VCL: variants seen among roughly 807,000 people sequenced by gnomAD.
The protein encoded by VCL is epididymis luminal protein 114.
A neutral mutation model predicts 125.7 loss-of-function variants in VCL; 47 were observed. The ratio of observed to expected loss-of-function variants is 0.37; its 90% CI spans 0.30 to 0.48. VCL has a LOEUF of 0.48. Ranked by LOEUF, VCL falls within the 20% of genes least tolerant of loss-of-function variation. VCL has a pLI of 0.99. For missense variants in VCL, 1,069 were observed against 1,455.5 expected, an observed-to-expected ratio of 0.73 and a Z score of 4.32; for synonymous variants, 458 against 514.6, an observed-to-expected ratio of 0.89 and a Z score of 1.49.
At position 74,009,225 on chromosome 10, in the gene VCL, C is replaced by A. The variant is rs182475849; in HGVS notation, c.168+10850C>A. Among the ~76,000 whole-genome samples, 61 of 124,952 alleles carry A rather than the reference C, an allele frequency of 4.9e-4. 2 individuals are homozygous for A. The highest frequency in any genetic ancestry group is 3.8e-3 in the Middle Eastern group (1 of 262). The allele number at this position is 124,952 out of a possible 152,430, so 82.0% of individuals were successfully genotyped here. ...TAGGTGGCTGCTGCTTTCCCCCCCC[C>A]CCCCCGAGCCATTTTAGTATTTAAT... On this transcript the variant is annotated intron_variant, in intron 1 of 21. Coordinates refer to ENST00000211998, the MANE Select transcript of VCL (RefSeq NM_014000.3).
intron 5 of VCL, among the ~76,000 whole-genome samples, chr10:74,073,862 C>T (rs1839531717): frequency 6.6e-6 from 1 of 152,180 alleles, no homozygotes; most frequent in Non-Finnish European, 1.5e-5. Flanking sequence ...AATCTGGTGA[C>T]TCATGTCATT....
chr10:74,095,037 T>C (rs1839944357), intron 11 of VCL, among the ~76,000 whole-genome samples: 1 of 152,200 alleles, frequency 6.6e-6, no homozygotes, highest in African/African-American at 2.4e-5. Flanking sequence ...AGAAATAAAT[T>C]AGTACAAACT....
At chr10:74,069,126 C>T (rs1413685836) in intron 2 of VCL, among the ~76,000 whole-genome samples, 3 of 151,566 alleles carry the variant, frequency 2.0e-5, no homozygotes, top group Non-Finnish European at 4.4e-5. Context: ...GGCATGATCT[C>T]GGCTCACTGC....
intron 1 of VCL, among the ~76,000 whole-genome samples, chr10:74,028,069 G>T (rs1022313682): frequency 1.3e-5 from 2 of 152,000 alleles, no homozygotes; most frequent in Middle Eastern, 3.4e-3. Flanking sequence ...AAGACTGAGG[G>T]TTTTTTTGTT....
chr10:74,098,565 C>T (rs1415916416), intron 13 of VCL, among the ~76,000 whole-genome samples: 4 of 152,152 alleles, frequency 2.6e-5, no homozygotes, highest in Non-Finnish European at 5.9e-5. Context: ...TTTGCTATGC[C>T]TCATTGGCTT....
chr10:74,035,256 C>CTTTTTTTTTT (rs1170159869), intron 1 of VCL, among the ~76,000 whole-genome samples: 3 of 139,850 alleles, frequency 2.1e-5, no homozygotes, highest in Admixed American at 7.2e-5. Flanking sequence ...TTTTTTCTTT[C>CTTTTTTTTTT]TTTTTTTTTT....
At chr10:74,098,419 C>T (rs1272173240) in intron 13 of VCL, among the ~76,000 whole-genome samples, 1 of 152,222 alleles carries the variant, frequency 6.6e-6, no homozygotes, top group Non-Finnish European at 1.5e-5. Flanking sequence ...CTCCCTCCCA[C>T]TACCATGAAA....
Position 74,025,713 on chromosome 10 carries a change from A to T in VCL, c.169-17370A>T, listed in dbSNP as rs1421754501. 1.3e-4 allele frequency among the ~76,000 whole-genome samples: 7 copies of T among 52,110 alleles called. No homozygotes were observed. In the South Asian group the frequency reaches 2.7e-3, roughly 20 times the overall value. The allele number at this position is 52,110 out of a possible 152,430, so 34.2% of individuals were successfully genotyped here. A position where few individuals can be genotyped will look rare whatever the true frequency, so the allele number is the denominator to read the frequency against. ...GAGGGAGGGAGGAAGGAAGGGAGGG[A>T]GGGAGGGAGGAGGGAGGTTTAGGAT... On this transcript the variant is annotated intron_variant, in intron 1 of 21. Coordinates refer to ENST00000211998, the MANE Select transcript of VCL (RefSeq NM_014000.3).
intron 2 of VCL, among the ~76,000 whole-genome samples, chr10:74,057,255 T>C (rs1290739572): frequency 1.3e-5 from 2 of 151,992 alleles, no homozygotes; most frequent in Non-Finnish European, 2.9e-5. Flanking sequence ...CTATTTTTAT[T>C]ATTTAAAAAA....
chr10:74,073,234 T>C (rs1162669724), intron 5 of VCL, among the ~76,000 whole-genome samples: 1 of 152,224 alleles, frequency 6.6e-6, no homozygotes, highest in Non-Finnish European at 1.5e-5. Flanking sequence ...CCATGGCTCC[T>C]GGCCTGAGGT....
At chr10:74,041,737 C>CAAA (rs397969218) in intron 1 of VCL, among the ~76,000 whole-genome samples, 3 of 136,822 alleles carry the variant, frequency 2.2e-5, no homozygotes, top group Non-Finnish European at 3.1e-5. Flanking sequence ...ACTAAAAATC[C>CAAA]AAAAAAAAAA....
intron 1 of VCL, among the ~76,000 whole-genome samples, chr10:74,029,815 T>C (rs969279670): frequency 3.3e-5 from 5 of 152,280 alleles, no homozygotes; most frequent in Admixed American, 6.5e-5. Flanking sequence ...AGAATTTAAT[T>C]TGTGTTTTTT....
chr10:74,099,491 C>G (rs1200695814), intron 13 of VCL, among the ~76,000 whole-genome samples: 1 of 152,180 alleles, frequency 6.6e-6, no homozygotes, highest in Non-Finnish European at 1.5e-5. Flanking sequence ...ACATAGCACA[C>G]TGTATTGTAA....
At position 74,118,403 on chromosome 10, in the gene VCL, C is replaced by T. The variant is rs1840344124; in HGVS notation, c.*234C>T. 3 of 567,274 alleles carry T rather than the reference C, an allele frequency of 5.3e-6. No homozygotes were observed. The highest frequency in any genetic ancestry group is 6.6e-5 in the East Asian group (2 of 30,206). 35.1% of individuals were successfully genotyped at this position (567,274 alleles called of 1,614,324 possible). ...ATTCTCAAACACAGTTACACTTGTG[C>T]ACCCTCTATCCCAATAGGCAGACTG... is the stretch of plus-strand genomic sequence containing the variant. On this transcript the variant is annotated 3_prime_UTR_variant, in exon 22 of 22. Transcript: ENST00000211998.
chr10:74,106,061 C>T (rs534310361), intron 16 of VCL, among the ~76,000 whole-genome samples: 1 of 151,768 alleles, frequency 6.6e-6, no homozygotes, highest in South Asian at 2.1e-4. Flanking sequence ...GCTGGGATTA[C>T]AGGCTCCCAC....
chr10:74,077,846 A>G (rs1286747599), intron 6 of VCL: 2 of 339,848 alleles, frequency 5.9e-6, no homozygotes, highest in South Asian at 2.3e-5. Flanking sequence ...TTTTATACCT[A>G]TATTCAAATT....
At chr10:74,020,484 A>G (rs1310796375) in intron 1 of VCL, among the ~76,000 whole-genome samples, 1 of 152,184 alleles carries the variant, frequency 6.6e-6, no homozygotes, top group African/African-American at 2.4e-5. Context: ...CAGGAATGCC[A>G]GTGTTTTTTA....
intron 2 of VCL, among the ~76,000 whole-genome samples, chr10:74,050,847 T>C (rs951117411): frequency 6.6e-6 from 1 of 151,296 alleles, no homozygotes; most frequent in African/African-American, 2.5e-5. Context: ...ACTGCCTTGC[T>C]GCATTTTTGA....
At chr10:74,114,749 G>A in intron 20 of VCL, 46 bp from the exon 21 acceptor site, 1 of 1,548,914 alleles carries the variant, frequency 6.5e-7, no homozygotes, top group Non-Finnish European at 8.8e-7. Flanking sequence ...AGGAGCTTGT[G>A]GGCAAGGCAA....
Sources: allele counts gnomAD v4.1 joint callset (sites outside exome capture counted in the v4.1 genomes callset), GRCh38; gene constraint gnomAD v4.1.1; transcripts MANE v1.5; gene names NCBI Gene and HGNC (gene_info 2026-07-23, HGNC 2026-07-21).